EIF3A: variants seen among roughly 807,000 people sequenced by gnomAD.
EIF3A encodes the protein eukaryotic translation initiation factor 3 subunit A, also known as EIF3, p180 subunit.
Under a neutral mutation model 186.6 loss-of-function variants are expected in EIF3A, and 21 were observed. The ratio of observed to expected loss-of-function variants is 0.11; its 90% CI spans 0.08 to 0.16. EIF3A has a LOEUF of 0.16. Among genes scored for constraint, EIF3A ranks in the 10% least tolerant of loss-of-function variants. The probability of loss-of-function intolerance (pLI) is 1.00; values close to 1 mark genes in which losing one functional copy is unlikely to be tolerated. For synonymous variants in EIF3A, 563 were observed against 584.3 expected (o/e 0.96, Z 0.52); for missense variants, 1,306 against 1,796.3 (o/e 0.73, Z 4.93).
intron 7 of EIF3A, among the ~76,000 whole-genome samples, chr10:119,064,229 C>A (rs925678336): frequency 6.6e-6 from 1 of 152,142 alleles, no homozygotes; most frequent in African/African-American, 2.4e-5. Flanking sequence ...TTAGTAACAT[C>A]AAATGAAAGT....
At position 119,077,555 on chromosome 10, in the gene EIF3A, A is replaced by AT. The variant is rs1564763219; in HGVS notation, c.49+3072_49+3073insA. On this transcript the variant is annotated intron_variant, in intron 1 of 21. Transcript: ENST00000369144. ...TATATACAAGAATTTAGTTCCTCCG[A>AT]ATTTTTTTTTTTTTTTGGAGAAGGA... 2.6e-3 allele frequency among the ~76,000 whole-genome samples: 387 copies of AT among 147,510 alleles called. 1 individual carries two copies. The highest frequency in any genetic ancestry group is 9.6e-3 in the African/African-American group (367 of 38,328).
rs11446855 is a variant in EIF3A, at chr10:119,043,215, T to TC, written c.2748-444dup. On this transcript the variant is annotated intron_variant, in intron 18 of 21. Transcript: ENST00000369144. Reference sequence around the variant, plus strand: ...AGGCAGATTTCTTGAGGTCAGGAGTTCAAGACCAGCCTGGCCAACATAGTG... The same window carrying TC: ...AGGCAGATTTCTTGAGGTCAGGAGTTCCAAGACCAGCCTGGCCAACATAGTG... 9.3e-3 allele frequency among the ~76,000 whole-genome samples: 1,407 copies of TC among 152,096 alleles called. 21 individuals are homozygous for TC. The highest frequency in any genetic ancestry group is 0.031 in the African/African-American group (1,279 of 41,480).
intron 4 of EIF3A, among the ~76,000 whole-genome samples, chr10:119,072,259 G>T (rs927620317): frequency 6.6e-5 from 8 of 121,680 alleles, no homozygotes; most frequent in African/African-American, 2.4e-4. Flanking sequence ...AAAAAAAAAT[G>T]GAAAAGTTTA....
intron 7 of EIF3A, among the ~76,000 whole-genome samples, chr10:119,064,033 C>T (rs1589692903): frequency 1.3e-5 from 2 of 152,250 alleles, no homozygotes; most frequent in South Asian, 2.1e-4. Flanking sequence ...GAACTGAAAT[C>T]GCACCACTGC....
intron 1 of EIF3A, among the ~76,000 whole-genome samples, chr10:119,077,282 T>A (rs924467978): frequency 6.6e-6 from 1 of 151,756 alleles, no homozygotes; most frequent in Admixed American, 6.6e-5. Flanking sequence ...CTGGGAAATA[T>A]GGTGAAAAAA....
intron 1 of EIF3A, among the ~76,000 whole-genome samples, chr10:119,077,701 C>A (rs1761692327): frequency 6.6e-6 from 1 of 151,846 alleles, no homozygotes; most frequent in Non-Finnish European, 1.5e-5. Context: ...ACTACAGGTG[C>A]CCGCCACCAC....
Position 119,080,630 on chromosome 10 carries a change from T to C in EIF3A, c.47A>G (p.Asn16Ser). ...GCGCGCCCCGATCAGCTACTCACCG[T>C]TGGCGCGTTTGAGGGCATTTTCCGG... The part of the protein sequence containing the change: ...QRPENALKRA[N>S]EFLEVGKKQP... Residue 16 changes from asparagine to serine, a missense_variant and splice_region_variant, in exon 1 of 22, where the codon AAC (asparagine) becomes AGC (serine). By Grantham distance (46) the Asn-to-Ser change is conservative. This residue lies in a region of EIF3A where 130 missense variants were observed against 259.3 expected (regional missense o/e 0.50). Transcript: ENST00000369144. 1.3e-6 allele frequency: 2 copies of C among 1,592,886 alleles called. No homozygotes were observed. The highest frequency in any genetic ancestry group is 2.7e-5 in the African/African-American group (2 of 73,726).
In EIF3A at chr10:119,050,408, T is replaced by C. The variant is rs143246541; in HGVS notation, c.2473+113A>G. On this transcript the variant is annotated intron_variant, in intron 16 of 21. Coordinates refer to ENST00000369144, the MANE Select transcript of EIF3A (RefSeq NM_003750.4). ...GGTTCTGAGATCCAGTTAATTACAG[T>C]GCTAAAAGGCCAATTACCTTGATTC... 5.4e-4 allele frequency: 575 copies of C among 1,070,322 alleles called. 3 individuals carry two copies. In the African/African-American group the frequency reaches 8.5e-3, roughly 16 times the overall value. The allele number at this position is 1,070,322 out of a possible 1,614,324, so 66.3% of individuals were successfully genotyped here.
intron 20 of EIF3A, 22 bp from the exon 21 acceptor site, chr10:119,037,331 G>A: frequency 6.2e-7 from 1 of 1,609,848 alleles, no homozygotes; most frequent in South Asian, 1.1e-5. Context: ...TACAATGACA[G>A]GTCAGGTTCT....
intron 1 of EIF3A, among the ~76,000 whole-genome samples, chr10:119,076,014 C>T (rs1343122235): frequency 6.8e-6 from 1 of 147,986 alleles, no homozygotes; most frequent in East Asian, 2.0e-4. Flanking sequence ...GCGTGAGCCA[C>T]CGCACCCAGC....
chr10:119,051,186 T>C lies in EIF3A; in HGVS notation c.2319+13A>G. ...CTCATGAATAAACATTTCCCAAAAA[T>C]CAGCAAGCTCACCTCATAAACAGAC... On this transcript the variant is annotated intron_variant, in intron 15 of 21. Coordinates refer to ENST00000369144, the MANE Select transcript of EIF3A (RefSeq NM_003750.4). 1 of 1,591,438 alleles carries C rather than the reference T, an allele frequency of 6.3e-7. No individual in the cohort carries two copies. The highest frequency in any genetic ancestry group is 8.5e-7 in the Non-Finnish European group (1 of 1,173,488).
Position 119,061,241 on chromosome 10 carries a change from A to G in EIF3A, c.1210T>C (p.Cys404Arg), listed in dbSNP as rs1419494565. 3 of 1,573,598 alleles carry G rather than the reference A, an allele frequency of 1.9e-6. No individual in the cohort carries two copies. Among genetic ancestry groups the G allele is most frequent in the Admixed American group, 1.8e-5 (1 of 57,130 alleles). Reference sequence around the variant, plus strand: ...AGGCTTACCTTTGTGACTCGCTCACAGAGTTTTAATGGGTTAAATTCTACT... The same window carrying G: ...AGGCTTACCTTTGTGACTCGCTCACGGAGTTTTAATGGGTTAAATTCTACT... ...LEVEFNPLKL[C>R]ERVTKVLNWV... The change falls in exon 8 of 22, where the codon TGT becomes CGT. Residue 404 changes from cysteine (C) to arginine (R), a missense_variant. Coordinates refer to ENST00000369144, the MANE Select transcript of EIF3A (RefSeq NM_003750.4).
intron 6 of EIF3A, among the ~76,000 whole-genome samples, chr10:119,066,382 G>A (rs1843978397): frequency 1.3e-5 from 2 of 150,906 alleles, no homozygotes; most frequent in Non-Finnish European, 2.9e-5. Context: ...GGTGACAGGC[G>A]CCTGTAATCC....
At chr10:119,071,593 TATTAG>T (rs1053292224) in intron 4 of EIF3A, among the ~76,000 whole-genome samples, 16 of 152,214 alleles carry the variant, frequency 1.1e-4, no homozygotes, top group African/African-American at 3.9e-4. Context: ...ACATATGCAC[TATTAG>T]ATTATTTTTT....
chr10:119,059,559 G>A (rs1347904932), intron 10 of EIF3A, 43 bp downstream of exon 10: 3 of 1,471,650 alleles, frequency 2.0e-6, no homozygotes, highest in Non-Finnish European at 2.9e-6. Flanking sequence ...TGTCTTTCTA[G>A]CCCTCAAGGG....
chr10:119,059,205 T>G lies in EIF3A; in HGVS notation c.1629+7A>C. 6.2e-7 allele frequency: 1 copy of G among 1,611,494 alleles called. No homozygotes were observed. Among genetic ancestry groups the G allele is most frequent in the South Asian group, 1.1e-5 (1 of 90,630 alleles). On this transcript the variant is annotated splice_region_variant and intron_variant, in intron 11 of 21. Coordinates refer to ENST00000369144, the MANE Select transcript of EIF3A (RefSeq NM_003750.4). ...TCTGGGATTTATTTCCCCGGGAAGA[T>G]GCATACCAGTATATGAGCTGGTTTA...
chr10:119,060,094 A>G (rs990039801), intron 9 of EIF3A: 2 of 514,206 alleles, frequency 3.9e-6, no homozygotes. Context: ...CACATAAGAA[A>G]TAACACTACT....
At chr10:119,047,141 G>A (rs1339811332) in intron 17 of EIF3A, among the ~76,000 whole-genome samples, 9 of 152,130 alleles carry the variant, frequency 5.9e-5, no homozygotes, top group Admixed American at 5.2e-4. Context: ...GGTGGCACAC[G>A]CCAGTAATCC....
chr10:119,074,813 G>A (rs1214424171), intron 1 of EIF3A, among the ~76,000 whole-genome samples: 1 of 149,410 alleles, frequency 6.7e-6, no homozygotes, highest in African/African-American at 2.5e-5. Flanking sequence ...CATGCCTGCG[G>A]AGGCTGAGGC....
Sources: gnomAD v4.1 joint callset for allele counts (sites outside exome capture counted in the v4.1 genomes callset) on GRCh38, gnomAD v4.1.1 for gene constraint, gnomAD v4.1.1 regional missense constraint, MANE v1.5 for transcripts, NCBI Gene and HGNC (gene_info 2026-07-23, HGNC 2026-07-21) for gene names.